The following MSI2 variants were observed in gnomAD, a reference collection of about 807,000 sequenced individuals.
MSI2 encodes the protein musashi RNA binding protein 2.
In MSI2, 17 loss-of-function variants were observed where a neutral mutation model predicts 45.6. That is an observed-to-expected ratio of 0.37 (90% CI 0.26 to 0.56). The LOEUF is 0.56. MSI2 is among the 20% of genes least tolerant of loss of function. The pLI is 0.77. For synonymous variants in MSI2, 156 were observed against 158.2 expected (o/e 0.99, Z 0.11); for missense variants, 293 against 444.2 (o/e 0.66, Z 3.06).
intron 5 of MSI2, among the ~76,000 whole-genome samples, chr17:57,399,363 C>T (rs1598216432): frequency 6.6e-6 from 1 of 152,228 alleles, no homozygotes; most frequent in African/African-American, 2.4e-5. Flanking sequence ...AGGTGGTATA[C>T]TGAGTTGTTA....
intron 3 of MSI2, 49 bp from the exon 4 acceptor site, chr17:57,258,221 T>G (rs368190999): frequency 1.3e-6 from 2 of 1,555,080 alleles, no homozygotes; most frequent in African/African-American, 2.7e-5. Flanking sequence ...TTGCTTTCAA[T>G]GGTGTCACAT....
intron 5 of MSI2, among the ~76,000 whole-genome samples, chr17:57,355,424 A>C (rs1319932033): frequency 2.0e-5 from 3 of 152,234 alleles, no homozygotes; most frequent in Non-Finnish European, 4.4e-5. Flanking sequence ...CCCTGAAGAC[A>C]GGGGTGCTGA....
At chr17:57,409,000 G>C (rs1289890900) in intron 6 of MSI2, among the ~76,000 whole-genome samples, 1 of 150,690 alleles carries the variant, frequency 6.6e-6, no homozygotes, top group Non-Finnish European at 1.5e-5. Context: ...TCTCTCTGTA[G>C]ACCGGCCAGA....
In MSI2 at chr17:57,257,578, ATTT is replaced by A. The variant is rs766715759; in HGVS notation, c.185+33_185+35del. On this transcript the variant is annotated intron_variant, in intron 3 of 13. Coordinates refer to ENST00000284073, the MANE Select transcript of MSI2 (RefSeq NM_138962.4). ...CCATTCCCTTCTGGATTTTGTCTTT[ATTT>A]TAGAACAAAGTTTAAGTTTTATTTT... 3 of 1,461,144 alleles carry A rather than the reference ATTT, an allele frequency of 2.1e-6. No individual in the cohort carries two copies. In the South Asian group the frequency reaches 3.4e-5, roughly 17 times the overall value. The allele number at this position is 1,461,144 out of a possible 1,614,324, so 90.5% of individuals were successfully genotyped here. A position where few individuals can be genotyped will look rare whatever the true frequency, so the allele number is the denominator to read the frequency against.
At chr17:57,629,453 A>T (rs922735005) in intron 10 of MSI2, 2 of 152,226 alleles carry the variant, frequency 1.3e-5, no homozygotes, top group Admixed American at 6.5e-5. Flanking sequence ...GAATAAGAAG[A>T]AGTAAAAAGA....
At chr17:57,469,671 G>A (rs971769468) in intron 6 of MSI2, among the ~76,000 whole-genome samples, 1 of 152,238 alleles carries the variant, frequency 6.6e-6, no homozygotes, top group African/African-American at 2.4e-5. Flanking sequence ...GAGAGAGAAG[G>A]GTTGGTGAGA....
At chr17:57,701,108 G>A in the MSI2 span, among the ~76,000 whole-genome samples, 1 of 152,144 alleles carries the variant, frequency 6.6e-6, no homozygotes, top group East Asian at 1.9e-4. Context: ...ATGTAAGGTG[G>A]TCAGGGGGAG....
rs528368035 is a variant in MSI2, at chr17:57,552,380, C to T, written c.454+22656C>T. Among the ~76,000 whole-genome samples, 46 of 152,180 alleles carry T rather than the reference C, an allele frequency of 3.0e-4. No homozygotes were observed. The highest frequency in any genetic ancestry group is 5.0e-4 in the Non-Finnish European group (34 of 67,998). On this transcript the variant is annotated intron_variant, in intron 7 of 13. Coordinates refer to ENST00000284073, the MANE Select transcript of MSI2 (RefSeq NM_138962.4). The surrounding 1 kb of genome is among the most constrained non-coding windows in gnomAD (Gnocchi z 4.3). ...TCTGATTATGGAGACCAGCCAGCACCCCCCAACCCAGCCCCCCACTCACTG... is the reference window on the plus strand; with the variant it reads ...TCTGATTATGGAGACCAGCCAGCACTCCCCAACCCAGCCCCCCACTCACTG...
chr17:57,327,033 A>ATCCATT, intron 5 of MSI2, among the ~76,000 whole-genome samples: 1 of 152,322 alleles, frequency 6.6e-6, no homozygotes, highest in African/African-American at 2.4e-5. Flanking sequence ...TGAGTGCCAA[A>ATCCATT]TGGAGCTCGG....
intron 6 of MSI2, among the ~76,000 whole-genome samples, chr17:57,526,497 G>A (rs1487457415): frequency 6.6e-6 from 1 of 151,658 alleles, no homozygotes; most frequent in Non-Finnish European, 1.5e-5. Context: ...TACCTTAACT[G>A]TGCCCCTTAT....
intron 6 of MSI2, among the ~76,000 whole-genome samples, chr17:57,456,554 C>T (rs2085118632): frequency 6.6e-6 from 1 of 151,990 alleles, no homozygotes; most frequent in Non-Finnish European, 1.5e-5. Flanking sequence ...GAGATCGCAC[C>T]ACTGCACTCC....
chr17:57,574,182 G>T (rs904278608), intron 7 of MSI2, among the ~76,000 whole-genome samples: 1 of 151,952 alleles, frequency 6.6e-6, no homozygotes, highest in Non-Finnish European at 1.5e-5. Context: ...CAGCAATGCC[G>T]CTGCTCCTCT....
At chr17:57,263,224 G>C (rs1449448418) in intron 5 of MSI2, among the ~76,000 whole-genome samples, 1 of 152,150 alleles carries the variant, frequency 6.6e-6, no homozygotes, top group Admixed American at 6.5e-5. Flanking sequence ...TTTCAGGTCT[G>C]GGGCATACCA....
intron 6 of MSI2, among the ~76,000 whole-genome samples, chr17:57,426,220 A>G (rs1471011540): frequency 6.6e-6 from 1 of 152,182 alleles, no homozygotes; most frequent in Admixed American, 6.5e-5. Flanking sequence ...TGGGTTTTTG[A>G]TCATTGTTCC....
At chr17:57,342,258 C>T (rs1013701407) in intron 5 of MSI2, among the ~76,000 whole-genome samples, 2 of 152,148 alleles carry the variant, frequency 1.3e-5, no homozygotes, top group African/African-American at 2.4e-5. Flanking sequence ...GATACATGGA[C>T]ATCCGGTCCC....
intron 11 of MSI2, among the ~76,000 whole-genome samples, chr17:57,669,729 G>A (rs991560606): frequency 6.6e-6 from 1 of 152,120 alleles, no homozygotes; most frequent in Non-Finnish European, 1.5e-5. Flanking sequence ...CCGTCCTTTC[G>A]GGACTAGGGG....
chr17:57,682,415 G>A lies in MSI2; in HGVS notation c.*2898G>A, dbSNP rs958398555. The A allele has an allele frequency of 6.0e-6, 1 of 168,028 alleles. No individual in the cohort carries two copies. The highest frequency in any genetic ancestry group is 1.2e-5 in the Non-Finnish European group (1 of 80,980). The allele number at this position is 168,028 out of a possible 1,614,324, so 10.4% of individuals were successfully genotyped here. On this transcript the variant is annotated 3_prime_UTR_variant, in exon 14 of 14. Coordinates refer to ENST00000284073, the MANE Select transcript of MSI2 (RefSeq NM_138962.4). The stretch of plus-strand genomic sequence containing the variant: ...TTTTTTTAATTTATTTTTTAAAAGA[G>A]GGAGGCATGGTATATTAAAATGATT...
chr17:57,593,636 A>G (rs886412703), intron 7 of MSI2, among the ~76,000 whole-genome samples: 1 of 152,202 alleles, frequency 6.6e-6, no homozygotes, highest in Non-Finnish European at 1.5e-5. Flanking sequence ...TCTTTTTCCA[A>G]ATAAGGTCAC....
At chr17:57,482,318 C>T (rs181903972) in intron 6 of MSI2, among the ~76,000 whole-genome samples, 115 of 152,294 alleles carry the variant, frequency 7.6e-4, no homozygotes, top group Non-Finnish European at 1.2e-3. Context: ...TTGGCGTTCA[C>T]GCTACAGTAA....
Sources: gnomAD v4.1 joint callset for allele counts (sites outside exome capture counted in the v4.1 genomes callset) on GRCh38, gnomAD v4.1.1 for gene constraint, Gnocchi (gnomAD v3.1) non-coding constraint, MANE v1.5 for transcripts, NCBI Gene and HGNC (gene_info 2026-07-23, HGNC 2026-07-21) for gene names.